The following PRKCQ variants were observed in gnomAD, a reference collection of about 807,000 sequenced individuals.
PRKCQ encodes the protein protein kinase C theta, also known as protein kinase C theta type.
In PRKCQ, 41 loss-of-function variants were observed where a neutral mutation model predicts 91.2. The observed-to-expected ratio is 0.45, with a 90% CI of 0.35 to 0.58. The LOEUF (loss-of-function observed/expected upper bound fraction) is 0.58, where lower values mean the gene tolerates loss of function less well. Among genes scored for constraint, PRKCQ ranks in the 20% least tolerant of loss-of-function variants. The pLI, the probability that PRKCQ is intolerant of heterozygous loss-of-function variation, is 0.00. For missense variants in PRKCQ, 673 were observed against 896.5 expected (o/e 0.75, Z 3.18); for synonymous variants, 307 against 316.9 (o/e 0.97, Z 0.33).
chr10:6,551,557 C>T (rs111466831), intron 1 of PRKCQ, among the ~76,000 whole-genome samples: 6,569 of 151,950 alleles, frequency 0.043, 487 homozygotes, highest in African/African-American at 0.15. Flanking sequence ...CCACCACACC[C>T]GGCTAATATT....
At chr10:6,425,542 AG>A (rs1232754605), downstream of PRKCQ, among the ~76,000 whole-genome samples, 1 of 152,130 alleles carries the variant, frequency 6.6e-6, no homozygotes, top group African/African-American at 2.4e-5. Flanking sequence ...CCTATTAAAT[AG>A]GGATATTAAT....
chr10:6,491,034 T>C (rs1318809365), intron 8 of PRKCQ, among the ~76,000 whole-genome samples: 1 of 152,144 alleles, frequency 6.6e-6, no homozygotes, highest in Admixed American at 6.5e-5. Flanking sequence ...AGAAACTCCA[T>C]CAATAATGAA....
intron 1 of PRKCQ, among the ~76,000 whole-genome samples, chr10:6,549,833 T>C (rs76112668): frequency 0.01 from 1,587 of 152,030 alleles, 25 homozygotes; most frequent in African/African-American, 0.037. Context: ...GCTCTCCCCA[T>C]GTTGGCCAGG....
At position 6,462,164 on chromosome 10, in the gene PRKCQ, T is replaced by C. The variant is rs604663; in HGVS notation, c.1508+139A>G. 0.45 allele frequency: 327,322 copies of C among 732,122 alleles called. 74,033 individuals carry two copies. Among genetic ancestry groups the C allele is most frequent in the Middle Eastern group, 0.54 (2,211 of 4,106 alleles). 45.4% of individuals were successfully genotyped at this position (732,122 alleles called of 1,614,324 possible). A position where few individuals can be genotyped will look rare whatever the true frequency, so the allele number is the denominator to read the frequency against. ...TTGTAAGTCATCATCCATGTAATCATTGTGGGCAGCAGACCTATGTGTGGA... is the reference window on the plus strand; with the variant it reads ...TTGTAAGTCATCATCCATGTAATCACTGTGGGCAGCAGACCTATGTGTGGA... On this transcript the variant is annotated intron_variant, in intron 14 of 17. Coordinates refer to ENST00000263125, the MANE Select transcript of PRKCQ (RefSeq NM_006257.5).
intron 13 of PRKCQ, among the ~76,000 whole-genome samples, chr10:6,463,563 G>A (rs1480258523): frequency 6.6e-6 from 1 of 152,128 alleles, no homozygotes; most frequent in East Asian, 1.9e-4. Context: ...TTCCAGCCAG[G>A]GATTTTAAGA....
intron 1 of PRKCQ, among the ~76,000 whole-genome samples, chr10:6,541,694 CT>C (rs376482108): frequency 1.3e-5 from 2 of 152,068 alleles, no homozygotes; most frequent in African/African-American, 4.8e-5. Flanking sequence ...TACTTTTTAT[CT>C]TTTTTTTAAC....
intron 4 of PRKCQ, among the ~76,000 whole-genome samples, chr10:6,502,858 C>T (rs1005795769): frequency 1.3e-5 from 2 of 152,134 alleles, no homozygotes; most frequent in African/African-American, 2.4e-5. Flanking sequence ...ATAGGTTACT[C>T]GTGAATGTGG....
At chr10:6,407,908 T>C in the PRKCQ span, among the ~76,000 whole-genome samples, 1 of 152,302 alleles carries the variant, frequency 6.6e-6, no homozygotes, top group East Asian at 1.9e-4. This position sits in a 1 kb window ranked among gnomAD's most constrained non-coding sequence, Gnocchi z 4.0. Context: ...AAATGATATA[T>C]CTATCTTGAA....
At chr10:6,539,145 C>A (rs554166622) in intron 1 of PRKCQ, among the ~76,000 whole-genome samples, 31 of 152,190 alleles carry the variant, frequency 2.0e-4, no homozygotes, top group Non-Finnish European at 3.5e-4. Context: ...ATCCCTAGAG[C>A]CCTACTTTCC....
intron 14 of PRKCQ, among the ~76,000 whole-genome samples, chr10:6,457,288 T>G (rs1741820096): frequency 6.6e-6 from 1 of 152,168 alleles, no homozygotes; most frequent in Non-Finnish European, 1.5e-5. Context: ...AAACTTCTGT[T>G]TCCTTGGAGA....
At chr10:6,449,316 T>G (rs1834516495) in intron 15 of PRKCQ, among the ~76,000 whole-genome samples, 2 of 151,736 alleles carry the variant, frequency 1.3e-5, no homozygotes, top group African/African-American at 4.9e-5. Flanking sequence ...TGCGATCAAC[T>G]GGAAGAAAGA....
At chr10:6,534,030 T>A in intron 1 of PRKCQ, among the ~76,000 whole-genome samples, 1 of 152,210 alleles carries the variant, frequency 6.6e-6, no homozygotes, top group South Asian at 2.1e-4. Flanking sequence ...ATAAAACTTG[T>A]GTGTTATTAA....
In PRKCQ at chr10:6,540,745, C is replaced by T. The variant is rs116845627; in HGVS notation, c.-9-25601G>A. Among the ~76,000 whole-genome samples, 76 of 152,226 alleles carry T rather than the reference C, an allele frequency of 5.0e-4. 1 individual carries two copies. In the East Asian group the frequency reaches 0.014, roughly 29 times the overall value. ...CTCATTTTCAACTATTTTGAGAATACCCAGGAATGGAATTGCTAGATCATG... is the reference window on the plus strand; with the variant it reads ...CTCATTTTCAACTATTTTGAGAATATCCAGGAATGGAATTGCTAGATCATG... On this transcript the variant is annotated intron_variant, in intron 1 of 17. Transcript: ENST00000263125.
rs182814441 is a variant in PRKCQ at position 6,456,358 on chromosome 10, T to C, written c.1647+316A>G. On this transcript the variant is annotated intron_variant, in intron 15 of 17. Transcript: ENST00000263125. ...CCACAGTTTCACCACTTGACTTGGGTGGACGCTTGCTCCACCTGGCTCTTC... is the reference window on the plus strand; with the variant it reads ...CCACAGTTTCACCACTTGACTTGGGCGGACGCTTGCTCCACCTGGCTCTTC... 5.3e-4 allele frequency among the ~76,000 whole-genome samples: 81 copies of C among 152,240 alleles called. 1 individual carries two copies. The highest frequency in any genetic ancestry group is 5.3e-3 in the Admixed American group (81 of 15,294).
At chr10:6,451,864 C>G (rs934964126) in intron 15 of PRKCQ, among the ~76,000 whole-genome samples, 6 of 152,138 alleles carry the variant, frequency 3.9e-5, no homozygotes, top group African/African-American at 1.4e-4. Context: ...AGGCCTTTGA[C>G]AAAATTCAAC....
intron 13 of PRKCQ, among the ~76,000 whole-genome samples, chr10:6,463,014 A>T (rs571238655): frequency 6.6e-6 from 1 of 152,178 alleles, no homozygotes; most frequent in African/African-American, 2.4e-5. Flanking sequence ...CAAAAAAAAA[A>T]AAAAAAGTAA....
chr10:6,430,469 G>C lies in PRKCQ; in HGVS notation c.1965+341C>G, dbSNP rs1833355772. On this transcript the variant is annotated intron_variant, in intron 17 of 17. Coordinates refer to ENST00000263125, the MANE Select transcript of PRKCQ (RefSeq NM_006257.5). The surrounding 1 kb of genome is among the most constrained non-coding windows in gnomAD (Gnocchi z 4.7). ...GTCCAAGTTTGGGTTACCCAGACTGGACCATTAAGTACGTATGTGTCATGT... is the reference window on the plus strand; with the variant it reads ...GTCCAAGTTTGGGTTACCCAGACTGCACCATTAAGTACGTATGTGTCATGT... Among the ~76,000 whole-genome samples, 2 of 152,290 alleles carry C rather than the reference G, an allele frequency of 1.3e-5. No individual in the cohort carries two copies. Among genetic ancestry groups the C allele is most frequent in the African/African-American group, 4.8e-5 (2 of 41,548 alleles).
chr10:6,416,117 A>G, the PRKCQ span, among the ~76,000 whole-genome samples: 7,358 of 152,300 alleles, frequency 0.048, 280 homozygotes, highest in South Asian at 0.14. Context: ...TAGGAATCAA[A>G]TATTTATTAG....
At chr10:6,425,888 C>T (rs1681555551), downstream of PRKCQ, among the ~76,000 whole-genome samples, 1 of 152,152 alleles carries the variant, frequency 6.6e-6, no homozygotes, top group South Asian at 2.1e-4. Flanking sequence ...GTTCCTGTTT[C>T]TAAGAGCCAA....
Sources: allele counts gnomAD v4.1 joint callset (sites outside exome capture counted in the v4.1 genomes callset), GRCh38; gene constraint gnomAD v4.1.1; non-coding constraint Gnocchi (gnomAD v3.1); transcripts MANE v1.5; gene names NCBI Gene and HGNC (gene_info 2026-07-23, HGNC 2026-07-21).